Variants in TSPAN11 observed in about 807,000 individuals in gnomAD.
The protein encoded by TSPAN11 is tetraspanin-11.
A neutral mutation model predicts 32.9 loss-of-function variants in TSPAN11; 29 were observed. The ratio of observed to expected loss-of-function variants is 0.88; its 90% CI spans 0.66 to 1.20. The LOEUF (loss-of-function observed/expected upper bound fraction) is 1.20. Among genes scored for constraint, TSPAN11 ranks in the 50% most tolerant of loss-of-function variants. TSPAN11 has a pLI of 0.00. For missense variants in TSPAN11, 283 were observed against 329.1 expected (o/e 0.86, Z 1.08); for synonymous variants, 140 against 141.3 (o/e 0.99, Z 0.07).
intron 1 of TSPAN11, among the ~76,000 whole-genome samples, chr12:30,932,947 C>T (rs575525360): frequency 4.6e-5 from 7 of 152,218 alleles, no homozygotes; most frequent in Non-Finnish European, 1.0e-4. Flanking sequence ...CTTTCTGATT[C>T]CCAGTGGGCA....
At chr12:31,008,592 G>A in the TSPAN11 span, among the ~76,000 whole-genome samples, 2 of 152,262 alleles carry the variant, frequency 1.3e-5, no homozygotes, top group Admixed American at 6.5e-5. Flanking sequence ...CTGGCCTCCC[G>A]GAGCCCATCC....
chr12:30,964,651 A>ATT (rs1416573534), intron 3 of TSPAN11, among the ~76,000 whole-genome samples: 1 of 152,178 alleles, frequency 6.6e-6, no homozygotes, highest in Non-Finnish European at 1.5e-5. Context: ...ACAGCATGTC[A>ATT]TCTGTTAGAG....
At chr12:31,013,724 T>A in the TSPAN11 span, among the ~76,000 whole-genome samples, 1 of 152,102 alleles carries the variant, frequency 6.6e-6, no homozygotes, top group Non-Finnish European at 1.5e-5. Context: ...CTTGAGGAAG[T>A]ACCAGGAAAA....
rs1396125238 is a variant in TSPAN11 at position 30,994,275 on chromosome 12, C to G, written c.*2360C>G. The G allele has an allele frequency of 6.6e-6, 1 of 152,342 alleles. No homozygotes were observed. Among genetic ancestry groups the G allele is most frequent in the South Asian group, 2.1e-4 (1 of 4,830 alleles). The allele number at this position is 152,342 out of a possible 1,614,324, so 9.4% of individuals were successfully genotyped here. A position where few individuals can be genotyped will look rare whatever the true frequency, so the allele number is the denominator to read the frequency against. On this transcript the variant is annotated 3_prime_UTR_variant, in exon 8 of 8. Transcript: ENST00000546076. ...TGTGCCCCTCCTGCTGACGAGGGTA[C>G]AGATCCATACCCAGGTCAATTCCTC...
chr12:30,979,678 A>T lies in TSPAN11; in HGVS notation c.456+8A>T. 1 of 1,613,944 alleles carries T rather than the reference A, an allele frequency of 6.2e-7. No individual in the cohort carries two copies. Among genetic ancestry groups the T allele is most frequent in the South Asian group, 1.1e-5 (1 of 91,080 alleles). On this transcript the variant is annotated splice_region_variant and intron_variant, in intron 5 of 7. Coordinates refer to ENST00000546076, the MANE Select transcript of TSPAN11 (RefSeq NM_001370302.1). ...GACCGACTCCAGCAGGATGTAAGCC[A>T]TGCCCCATATGGCCTTGAAGGCCAA...
chr12:31,010,976 A>T, the TSPAN11 span, among the ~76,000 whole-genome samples: 1 of 152,186 alleles, frequency 6.6e-6, no homozygotes, highest in Non-Finnish European at 1.5e-5. Context: ...TGGCAAGAGG[A>T]GCTAAGAACA....
intron 1 of TSPAN11, among the ~76,000 whole-genome samples, chr12:30,948,411 G>A (rs569006596): frequency 1.1e-3 from 167 of 152,312 alleles, no homozygotes; most frequent in Middle Eastern, 3.4e-3. Flanking sequence ...GCAAACTTTT[G>A]CCTGGGCATC....
chr12:30,990,417 C>T (rs1359924934), intron 7 of TSPAN11, among the ~76,000 whole-genome samples: 1 of 152,184 alleles, frequency 6.6e-6, no homozygotes, highest in African/African-American at 2.4e-5. Context: ...CCAGAAAATC[C>T]CACAGGAAAA....
chr12:31,006,605 C>T, the TSPAN11 span, among the ~76,000 whole-genome samples: 4 of 152,190 alleles, frequency 2.6e-5, no homozygotes, highest in Non-Finnish European at 5.9e-5. Context: ...TGGGCCCTGC[C>T]CTGATTTTGC....
downstream of TSPAN11, among the ~76,000 whole-genome samples, chr12:30,999,881 A>T (rs1565809359): frequency 6.6e-6 from 1 of 152,080 alleles, no homozygotes; most frequent in Non-Finnish European, 1.5e-5. Flanking sequence ...GGCCAAGGGA[A>T]ACTAGGCAGT....
At chr12:30,989,042 G>A (rs915465030) in intron 7 of TSPAN11, among the ~76,000 whole-genome samples, 6 of 152,244 alleles carry the variant, frequency 3.9e-5, no homozygotes, top group South Asian at 4.1e-4. Flanking sequence ...CCAGGGGGCC[G>A]GCAGAGGAGG....
intron 3 of TSPAN11, among the ~76,000 whole-genome samples, chr12:30,973,204 A>G (rs1938888986): frequency 6.6e-6 from 1 of 152,184 alleles, no homozygotes; most frequent in South Asian, 2.1e-4. Flanking sequence ...TGTGACCTTC[A>G]GCAAGCTACT....
chr12:31,010,859 T>C, the TSPAN11 span, among the ~76,000 whole-genome samples: 1 of 151,846 alleles, frequency 6.6e-6, no homozygotes. Context: ...CAACCCTTCA[T>C]GAGAAAGATA....
intron 3 of TSPAN11, among the ~76,000 whole-genome samples, chr12:30,966,706 C>A (rs1938741056): frequency 6.6e-6 from 1 of 152,190 alleles, no homozygotes; most frequent in Non-Finnish European, 1.5e-5. Flanking sequence ...CACACCCTGC[C>A]CTCCATCTCT....
intron 3 of TSPAN11, among the ~76,000 whole-genome samples, chr12:30,965,110 A>T (rs1938701664): frequency 6.6e-6 from 1 of 152,226 alleles, no homozygotes; most frequent in Non-Finnish European, 1.5e-5. Flanking sequence ...TGACTGAATA[A>T]AACCAGGCAT....
chr12:30,960,615 C>T (rs79798965), intron 2 of TSPAN11, among the ~76,000 whole-genome samples: 2,010 of 152,144 alleles, frequency 0.013, 42 homozygotes, highest in East Asian at 0.079. Context: ...TTCCTATGAA[C>T]ATAAAGTTCC....
chr12:30,990,073 T>A (rs962172452), intron 7 of TSPAN11, among the ~76,000 whole-genome samples: 14 of 152,200 alleles, frequency 9.2e-5, no homozygotes, highest in Admixed American at 7.2e-4. Flanking sequence ...GAGATGGCAA[T>A]GCCTATTCAG....
the TSPAN11 span, among the ~76,000 whole-genome samples, chr12:31,011,971 C>CG: frequency 2.6e-5 from 4 of 152,324 alleles, no homozygotes; most frequent in South Asian, 8.3e-4. Context: ...CAGGTCAGTC[C>CG]GGGGTCCCCG....
At chr12:30,998,363 C>G (rs1939444139), downstream of TSPAN11, among the ~76,000 whole-genome samples, 1 of 152,232 alleles carries the variant, frequency 6.6e-6, no homozygotes, top group Non-Finnish European at 1.5e-5. Context: ...GCCCCAAAGA[C>G]CAAGTTGTCA....
Sources: gnomAD v4.1 joint callset for allele counts (sites outside exome capture counted in the v4.1 genomes callset) on GRCh38, gnomAD v4.1.1 for gene constraint, MANE v1.5 for transcripts, NCBI Gene and HGNC (gene_info 2026-07-23, HGNC 2026-07-21) for gene names.